GTPBP6: variants seen among roughly 807,000 people sequenced by gnomAD.
GTPBP6 encodes the protein GTP binding protein 6.
GTPBP6 carries 33 observed loss-of-function variants against 28.9 expected under a neutral mutation model. The observed-to-expected ratio is 1.14, with a 90% CI of 0.87 to 1.53. The LOEUF (loss-of-function observed/expected upper bound fraction) is 1.53. Ranked by LOEUF, GTPBP6 falls within the 40% of genes most tolerant of loss-of-function variation. The pLI, the probability that GTPBP6 is intolerant of heterozygous loss-of-function variation, is 0.00. For synonymous variants in GTPBP6, 231 were observed against 192.7 expected (o/e 1.20, Z -1.65); for missense variants, 507 against 408.3 (o/e 1.24, Z -2.08).
intron 5 of GTPBP6, 49 bp downstream of exon 5, chrX:314,101 C>G (rs758408410): frequency 5.0e-6 from 7 of 1,399,624 alleles, no homozygotes; most frequent in Non-Finnish European, 7.0e-6. Flanking sequence ...CTGCCGCTGA[C>G]AACCGCATTC....
In GTPBP6 at chrX:316,906, G is replaced by C. The variant is rs1359521530; in HGVS notation, c.487+8C>G. 2.5e-6 allele frequency: 1 copy of C among 398,606 alleles called. No homozygotes were observed. Among genetic ancestry groups the C allele is most frequent in the Non-Finnish European group, 4.4e-6 (1 of 226,090 alleles). 24.7% of individuals were successfully genotyped at this position (398,606 alleles called of 1,614,324 possible). A position where few individuals can be genotyped will look rare whatever the true frequency, so the allele number is the denominator to read the frequency against. ...GTTTGGGGAAGGAGCAGGTCTGGAC[G>C]GACCCACCTGTCAGGTGCTCAAAGT... On this transcript the variant is annotated splice_region_variant and intron_variant, in intron 2 of 9. Coordinates refer to ENST00000326153, the Ensembl canonical transcript of GTPBP6.
intron 4 of GTPBP6, 108 bp from the exon 5 acceptor site, chrX:314,325 G>C: frequency 4.4e-6 from 4 of 912,840 alleles, no homozygotes; most frequent in Non-Finnish European, 7.2e-6. Flanking sequence ...GGGCCGAAGG[G>C]AGGAGCCGCT....
At chrX:308,173 C>T (rs1022331812) in intron 7 of GTPBP6, among the ~76,000 whole-genome samples, 1 of 152,190 alleles carries the variant, frequency 6.6e-6, no homozygotes, top group Non-Finnish European at 1.5e-5. Flanking sequence ...ACCACCCACC[C>T]ACCCAGGGGG....
intron 1 of GTPBP6, 35 bp downstream of exon 1, chrX:318,404 T>G (rs2070480052): frequency 3.2e-6 from 1 of 312,118 alleles, no homozygotes; most frequent in African/African-American, 2.6e-5. Flanking sequence ...GGTCTCCAGC[T>G]CCTGTTTCTC....
chrX:317,505 C>T (rs1463365920), intron 1 of GTPBP6, among the ~76,000 whole-genome samples: 74 of 139,520 alleles, frequency 5.3e-4, no homozygotes, highest in African/African-American at 2.0e-3. Flanking sequence ...AAAAATCAAC[C>T]TTTATGAGAC....
At chrX:312,169 C>T (rs867902276) in intron 6 of GTPBP6, 6 of 464,164 alleles carry the variant, frequency 1.3e-5, no homozygotes, top group Middle Eastern at 6.5e-4. Flanking sequence ...ACGGTGCAGA[C>T]GAAGGGGACA....
intron 7 of GTPBP6, among the ~76,000 whole-genome samples, chrX:308,411 C>G (rs1285750512): frequency 6.6e-6 from 1 of 152,108 alleles, no homozygotes; most frequent in Non-Finnish European, 1.5e-5. Flanking sequence ...TGTTTGGATG[C>G]ACTTAATACA....
chrX:309,569 A>G (rs1369942910), intron 7 of GTPBP6, among the ~76,000 whole-genome samples: 2 of 152,210 alleles, frequency 1.3e-5, no homozygotes, highest in African/African-American at 4.8e-5. Context: ...GGATTTATCT[A>G]GGTGGCCCCT....
intron 7 of GTPBP6, among the ~76,000 whole-genome samples, chrX:310,306 G>T (rs1293960483): frequency 5.7e-5 from 8 of 139,432 alleles, no homozygotes; most frequent in African/African-American, 2.2e-4. Context: ...AGAGGAGGAG[G>T]CCACAGACAG....
chrX:311,347 G>A lies in GTPBP6; in HGVS notation c.1125+72C>T, dbSNP rs753613603. 5.9e-3 allele frequency: 6,745 copies of A among 1,146,990 alleles called. 711 individuals carry two copies. Among genetic ancestry groups the A allele is most frequent in the African/African-American group, 0.056 (3,485 of 62,726 alleles). 71.1% of individuals were successfully genotyped at this position (1,146,990 alleles called of 1,614,324 possible). A position where few individuals can be genotyped will look rare whatever the true frequency, so the allele number is the denominator to read the frequency against. On this transcript the variant is annotated intron_variant, in intron 7 of 9. Transcript: ENST00000326153. ...GTCCGAGGGCCCGACCCCTGGCTGT[G>A]TGTGTCTGAGTGCCCAGCCCCCGTG...
chrX:305,272 C>G (rs28609216), intron 9 of GTPBP6, 75 bp from the exon 10 acceptor site: 12,521 of 1,160,314 alleles, frequency 0.011, 368 homozygotes, highest in African/African-American at 0.076. Context: ...TAAATAATTA[C>G]GCTAAAAAGA....
At chrX:307,842 C>A in exon 8 of GTPBP6, 1 of 1,543,510 alleles carries the variant, frequency 6.5e-7, no homozygotes, top group Non-Finnish European at 8.7e-7. Flanking sequence ...GGAGCTCCGC[C>A]TCGGGGTGGC....
intron 9 of GTPBP6, among the ~76,000 whole-genome samples, chrX:305,992 C>G (rs1171995495): frequency 1.3e-5 from 2 of 152,064 alleles, no homozygotes; most frequent in Non-Finnish European, 2.9e-5. Flanking sequence ...AAACTCCTCT[C>G]AGCTCAAGCA....
In GTPBP6 at chrX:309,903, C is replaced by G. The variant is rs912162442; in HGVS notation, c.1125+1516G>C. ...AGATCATCCTGGATTAGGGTGGACC[C>G]TAAATCTAATGACTACTGTCCTTCT... On this transcript the variant is annotated intron_variant, in intron 7 of 9. Transcript: ENST00000326153. Among the ~76,000 whole-genome samples the G allele has an allele frequency of 5.0e-4, 73 of 145,122 alleles. 2 individuals carry two copies. The highest frequency in any genetic ancestry group is 1.6e-3 in the African/African-American group (60 of 36,846).
Position 314,076 on chromosome X carries a change from G to T in GTPBP6, c.757+74C>A, listed in dbSNP as rs769568630. On this transcript the variant is annotated intron_variant, in intron 5 of 9. Transcript: ENST00000326153. ...ACCCCACCCTGTTGGAATCTTCCAG[G>T]GCTGAGAAGGGTGGCTGCCGCTGAC... 5.1e-5 allele frequency: 59 copies of T among 1,146,944 alleles called. No homozygotes were observed. In the East Asian group the frequency reaches 1.4e-3, roughly 27 times the overall value. The allele number at this position is 1,146,944 out of a possible 1,614,324, so 71.0% of individuals were successfully genotyped here.
At chrX:305,036 G>T in exon 10 of GTPBP6, 1 of 1,606,916 alleles carries the variant, frequency 6.2e-7, no homozygotes, top group Non-Finnish European at 8.5e-7. Flanking sequence ...TCCCCAGGCA[G>T]CGATGCCCCC....
At chrX:307,752 G>C (rs1334527918) in exon 8 of GTPBP6, 2 of 1,507,044 alleles carry the variant, frequency 1.3e-6, no homozygotes, top group African/African-American at 2.8e-5. Flanking sequence ...GGTCCACCTT[G>C]TTGTGAACCT....
intron 7 of GTPBP6, among the ~76,000 whole-genome samples, chrX:309,559 G>A (rs1458243765): frequency 6.6e-6 from 1 of 152,200 alleles, no homozygotes; most frequent in Admixed American, 6.5e-5. Flanking sequence ...AGGTTACCCT[G>A]GATTTATCTA....
intron 7 of GTPBP6, among the ~76,000 whole-genome samples, chrX:308,153 GCACCCAACCACCACC>G (rs948250828): frequency 4.0e-5 from 6 of 151,768 alleles, no homozygotes; most frequent in African/African-American, 9.7e-5. Flanking sequence ...CCATATATGA[GCACCCAACCACCACC>G]CACCCACCCA....
Sources: gnomAD v4.1 joint callset for allele counts (sites outside exome capture counted in the v4.1 genomes callset) on GRCh38, gnomAD v4.1.1 for gene constraint, MANE v1.5 for transcripts, NCBI Gene and HGNC (gene_info 2026-07-23, HGNC 2026-07-21) for gene names.